PTCD2: variants seen among roughly 807,000 people sequenced by gnomAD.
PTCD2 encodes pentatricopeptide repeat-containing protein 2, mitochondrial.
A neutral mutation model predicts 42.6 loss-of-function variants in PTCD2; 31 were observed. That is an observed-to-expected ratio of 0.73 (90% CI 0.55 to 0.98). PTCD2 has a LOEUF of 0.98. PTCD2 is among the 50% of genes least tolerant of loss of function. The pLI, the probability that PTCD2 is intolerant of heterozygous loss-of-function variation, is 0.00. For synonymous variants in PTCD2, 183 were observed against 170.9 expected (o/e 1.07, Z -0.55); for missense variants, 476 against 454.8 (o/e 1.05, Z -0.42).
intron 3 of PTCD2, among the ~76,000 whole-genome samples, chr5:72,329,327 A>G (rs1300167763): frequency 6.6e-6 from 1 of 152,248 alleles, no homozygotes; most frequent in African/African-American, 2.4e-5. Flanking sequence ...TGGCTGGGAA[A>G]GGAGAGTCAC....
intron 2 of PTCD2, among the ~76,000 whole-genome samples, chr5:72,325,967 A>G (rs1751112485): frequency 6.6e-6 from 1 of 152,236 alleles, no homozygotes; most frequent in Non-Finnish European, 1.5e-5. Flanking sequence ...CACTGAAATG[A>G]TTCTGTCACT....
At chr5:72,335,569 A>G in intron 5 of PTCD2, 1 of 427,746 alleles carries the variant, frequency 2.3e-6, no homozygotes, top group East Asian at 3.6e-5. Flanking sequence ...TAAATATCCC[A>G]GATTTTACTT....
At position 72,330,732 on chromosome 5, in the gene PTCD2, C is replaced by G. The variant is rs191883254; in HGVS notation, c.351-526C>G. On this transcript the variant is annotated intron_variant, in intron 3 of 9. Transcript: ENST00000380639. ...CAAAACCACATTTAATTTGTTTAGCCAGGTGATCATAGCCCAGGTGTACCT... is the reference window on the plus strand; with the variant it reads ...CAAAACCACATTTAATTTGTTTAGCGAGGTGATCATAGCCCAGGTGTACCT... Among the ~76,000 whole-genome samples, 6 of 152,294 alleles carry G rather than the reference C, an allele frequency of 3.9e-5. No individual in the cohort carries two copies. The East Asian group carries it at 1.2e-3, about 29-fold the overall frequency.
chr5:72,352,854 C>A, intron 9 of PTCD2, 100 bp downstream of exon 9: 1 of 614,852 alleles, frequency 1.6e-6, no homozygotes, highest in South Asian at 2.3e-5. Flanking sequence ...AAAGAAATTG[C>A]CAAATATGGC....
intron 8 of PTCD2, among the ~76,000 whole-genome samples, chr5:72,351,299 G>A (rs1252992431): frequency 6.6e-6 from 1 of 152,158 alleles, no homozygotes; most frequent in African/African-American, 2.4e-5. Flanking sequence ...AAGATAGGTG[G>A]TAGTATCATT....
At chr5:72,353,841 G>T (rs1042890404) in intron 9 of PTCD2, among the ~76,000 whole-genome samples, 1 of 151,990 alleles carries the variant, frequency 6.6e-6, no homozygotes, top group Non-Finnish European at 1.5e-5. Context: ...CACAAACCAG[G>T]ATACATTTCA....
In PTCD2 at chr5:72,340,141, G is replaced by A. The variant is rs772984100; in HGVS notation, c.753+1406G>A. Among the ~76,000 whole-genome samples the A allele has an allele frequency of 6.6e-5, 10 of 152,130 alleles. No individual in the cohort carries two copies. In the East Asian group the frequency reaches 7.7e-4, roughly 12 times the overall value. On this transcript the variant is annotated intron_variant, in intron 7 of 9. Coordinates refer to ENST00000380639, the MANE Select transcript of PTCD2 (RefSeq NM_024754.5). ...TTTTTCTACTCTCTTATGCCATGTG[G>A]TTATTTTCTCTAGTTGGTATTTTTG...
At chr5:72,338,201 A>C (rs1751859246) in intron 6 of PTCD2, among the ~76,000 whole-genome samples, 1 of 152,178 alleles carries the variant, frequency 6.6e-6, no homozygotes, top group Non-Finnish European at 1.5e-5. Flanking sequence ...CAAATATTTG[A>C]CATATGAATA....
intron 7 of PTCD2, among the ~76,000 whole-genome samples, chr5:72,342,379 C>T (rs1289832912): frequency 6.6e-6 from 1 of 152,216 alleles, no homozygotes; most frequent in Non-Finnish European, 1.5e-5. Context: ...CTTGACTAGC[C>T]TCATCTCTGC....
intron 8 of PTCD2, among the ~76,000 whole-genome samples, chr5:72,348,329 G>C (rs1752462137): frequency 6.6e-6 from 1 of 152,160 alleles, no homozygotes; most frequent in South Asian, 2.1e-4. Context: ...TGTTTAGTCA[G>C]TATTCACAGA....
intron 8 of PTCD2, among the ~76,000 whole-genome samples, chr5:72,343,849 G>A (rs1475305855): frequency 6.6e-6 from 1 of 152,140 alleles, no homozygotes; most frequent in East Asian, 1.9e-4. Flanking sequence ...CATTCAGCCT[G>A]CCCATATTGA....
At chr5:72,335,366 G>C (rs1223967675) in intron 5 of PTCD2, among the ~76,000 whole-genome samples, 1 of 150,910 alleles carries the variant, frequency 6.6e-6, no homozygotes, top group Admixed American at 6.6e-5. Flanking sequence ...GGAGAATGGC[G>C]TGAACCCGGG....
chr5:72,362,401 T>C lies in PTCD2; in HGVS notation c.*3974T>C, dbSNP rs914320593. On this transcript the variant is annotated 3_prime_UTR_variant, in exon 10 of 10. Transcript: ENST00000380639. ...CTAGACACCAAATGCTGGTGTCTTG[T>C]TCTTGGATTTCCCAGCCTTCAGAAC... The C allele has an allele frequency of 2.6e-5, 4 of 152,230 alleles. No homozygotes were observed. Among genetic ancestry groups the C allele is most frequent in the Non-Finnish European group, 5.9e-5 (4 of 68,036 alleles). 9.4% of individuals were successfully genotyped at this position (152,230 alleles called of 1,614,324 possible). A position where few individuals can be genotyped will look rare whatever the true frequency, so the allele number is the denominator to read the frequency against.
intron 4 of PTCD2, among the ~76,000 whole-genome samples, chr5:72,333,623 G>T (rs919584774): frequency 1.3e-5 from 2 of 152,182 alleles, no homozygotes; most frequent in African/African-American, 4.8e-5. Context: ...ATGTTAGCAA[G>T]ATGTTGGTCA....
At chr5:72,323,808 A>C (rs566436946) in intron 2 of PTCD2, among the ~76,000 whole-genome samples, 58 of 152,118 alleles carry the variant, frequency 3.8e-4, no homozygotes, top group Non-Finnish European at 8.1e-4. Context: ...ATACCGCCTA[A>C]TTTTTAATTT....
intron 2 of PTCD2, among the ~76,000 whole-genome samples, chr5:72,324,799 T>TA (rs973584955): frequency 3.3e-5 from 5 of 152,240 alleles, no homozygotes; most frequent in Non-Finnish European, 7.3e-5. Flanking sequence ...AACTATTCCT[T>TA]ACGCTTCTTG....
At position 72,335,613 on chromosome 5, in the gene PTCD2, A is replaced by C. The variant is rs1751697000; in HGVS notation, c.548-181A>C. 8 of 487,052 alleles carry C rather than the reference A, an allele frequency of 1.6e-5. 1 individual carries two copies. In the South Asian group the frequency reaches 1.9e-4, roughly 12 times the overall value. The allele number at this position is 487,052 out of a possible 1,614,324, so 30.2% of individuals were successfully genotyped here. A position where few individuals can be genotyped will look rare whatever the true frequency, so the allele number is the denominator to read the frequency against. On this transcript the variant is annotated intron_variant, in intron 5 of 9. Transcript: ENST00000380639. ...ATTGTGAAGCAGCTTTTAAAACATT[A>C]GTTCTTCCTGTTTGACTTGATAGTT...
At chr5:72,352,322 AT>A (rs1216994976) in intron 8 of PTCD2, among the ~76,000 whole-genome samples, 1 of 151,964 alleles carries the variant, frequency 6.6e-6, no homozygotes, top group Non-Finnish European at 1.5e-5. Context: ...TAATTTTTGT[AT>A]TTTTAGTAGA....
chr5:72,356,522 A>T (rs1045638933), intron 9 of PTCD2, among the ~76,000 whole-genome samples: 1 of 152,136 alleles, frequency 6.6e-6, no homozygotes, highest in Non-Finnish European at 1.5e-5. Flanking sequence ...AAGTGCATTT[A>T]ATGCTTATGC....
Sources: gnomAD v4.1 joint callset for allele counts (sites outside exome capture counted in the v4.1 genomes callset) on GRCh38, gnomAD v4.1.1 for gene constraint, MANE v1.5 for transcripts, NCBI Gene and HGNC (gene_info 2026-07-23, HGNC 2026-07-21) for gene names.